Variants in DAB1 observed in about 807,000 individuals in gnomAD.
DAB1 encodes DAB adaptor protein 1.
A neutral mutation model predicts 64.6 loss-of-function variants in DAB1; 15 were observed. The ratio of observed to expected loss-of-function variants is 0.23; its 90% CI spans 0.16 to 0.36. The LOEUF (loss-of-function observed/expected upper bound fraction) is 0.36. Ranked by LOEUF, DAB1 falls within the 10% of genes least tolerant of loss-of-function variation. The pLI, the probability that DAB1 is intolerant of heterozygous loss-of-function variation, is 1.00. For missense variants in DAB1, 596 were observed against 706.7 expected, an observed-to-expected ratio of 0.84 and a Z score of 1.78; for synonymous variants, 235 against 251.9, an observed-to-expected ratio of 0.93 and a Z score of 0.64.
intron 1 of DAB1, among the ~76,000 whole-genome samples, chr1:57,413,977 T>C (rs1352475564): frequency 1.3e-5 from 2 of 152,132 alleles, no homozygotes; most frequent in Non-Finnish European, 2.9e-5. Flanking sequence ...ATTGCTGTAG[T>C]CTCATGCTAC....
chr1:57,031,797 T>G (rs1466790022), intron 9 of DAB1, among the ~76,000 whole-genome samples: 4 of 152,230 alleles, frequency 2.6e-5, no homozygotes, highest in African/African-American at 7.2e-5. Flanking sequence ...GCTTGAGATG[T>G]CTATTTGCCA....
At chr1:58,137,915 C>T (rs539652) in intron 5 of DAB1, among the ~76,000 whole-genome samples, 1,902 of 152,124 alleles carry the variant, frequency 0.013, 45 homozygotes, top group African/African-American at 0.043. Context: ...GCTGAGTTTA[C>T]GGCACATGCA....
chr1:57,053,230 C>T (rs972320058), intron 9 of DAB1, among the ~76,000 whole-genome samples: 1 of 152,104 alleles, frequency 6.6e-6, no homozygotes, highest in Non-Finnish European at 1.5e-5. Context: ...ATTTCGGAAT[C>T]CATGTTTCAT....
chr1:57,787,506 AAATT>A (rs1188141320), intron 6 of DAB1, among the ~76,000 whole-genome samples: 5 of 152,128 alleles, frequency 3.3e-5, no homozygotes, highest in Non-Finnish European at 5.9e-5. Flanking sequence ...CAATATACAA[AAATT>A]AATTAAAAGA....
chr1:57,934,041 G>A (rs1045857114), intron 5 of DAB1, among the ~76,000 whole-genome samples: 3 of 149,032 alleles, frequency 2.0e-5, no homozygotes, highest in African/African-American at 5.0e-5. Context: ...GATTATAGGC[G>A]TCCGCCACCA....
At chr1:57,424,109 C>G (rs1212435820), upstream of DAB1, 1 of 150,860 alleles carries the variant, frequency 6.6e-6, no homozygotes, top group Admixed American at 6.6e-5. Flanking sequence ...GGGAGGAGAC[C>G]GCCACCCGCG....
At chr1:58,119,797 T>C (rs1172398933) in intron 5 of DAB1, among the ~76,000 whole-genome samples, 1 of 152,200 alleles carries the variant, frequency 6.6e-6, no homozygotes, top group Non-Finnish European at 1.5e-5. Context: ...TATGAATCTA[T>C]TCAATAAGTT....
intron 5 of DAB1, among the ~76,000 whole-genome samples, chr1:57,912,530 C>A (rs1022776959): frequency 6.6e-5 from 10 of 152,116 alleles, no homozygotes; most frequent in Admixed American, 6.5e-4. Context: ...TGAAAACTGG[C>A]ACAAGACAGG....
chr1:58,129,735 C>A (rs2100691844), intron 5 of DAB1, among the ~76,000 whole-genome samples: 1 of 151,026 alleles, frequency 6.6e-6, no homozygotes, highest in Admixed American at 6.6e-5. Flanking sequence ...CATTCAGGAG[C>A]AGGTTGTTCA....
At chr1:58,025,675 A>ATATC (rs1195232918) in intron 5 of DAB1, among the ~76,000 whole-genome samples, 1 of 143,606 alleles carries the variant, frequency 7.0e-6, no homozygotes, top group Non-Finnish European at 1.5e-5. Flanking sequence ...ATATATATAT[A>ATATC]TATATATATA....
chr1:58,484,974 G>A (rs1645549309), intron 3 of DAB1, among the ~76,000 whole-genome samples: 1 of 151,966 alleles, frequency 6.6e-6, no homozygotes, highest in South Asian at 2.1e-4. Context: ...CTATAATGGT[G>A]GATACATGTC....
chr1:57,808,585 A>G (rs1263009180), intron 6 of DAB1, among the ~76,000 whole-genome samples: 2 of 152,222 alleles, frequency 1.3e-5, no homozygotes, highest in East Asian at 3.8e-4. Flanking sequence ...TGTATGAAAC[A>G]ATTACAGAAC....
At chr1:58,208,149 C>T (rs1282069758) in intron 4 of DAB1, among the ~76,000 whole-genome samples, 1 of 152,122 alleles carries the variant, frequency 6.6e-6, no homozygotes, top group East Asian at 1.9e-4. Context: ...CACTGGGTCC[C>T]TCTCATGACA....
At chr1:57,771,363 T>C (rs1349106751) in intron 6 of DAB1, among the ~76,000 whole-genome samples, 1 of 152,112 alleles carries the variant, frequency 6.6e-6, no homozygotes, top group African/African-American at 2.4e-5. Flanking sequence ...GAAATAAATA[T>C]AAATATAAAT....
chr1:57,714,691 G>C (rs1647065147), intron 6 of DAB1, among the ~76,000 whole-genome samples: 1 of 152,150 alleles, frequency 6.6e-6, no homozygotes, highest in Non-Finnish European at 1.5e-5. Context: ...TGAATTAGGG[G>C]CAAAGGGGAC....
intron 3 of DAB1, among the ~76,000 whole-genome samples, chr1:58,476,271 C>T (rs1037691607): frequency 5.9e-5 from 9 of 151,912 alleles, no homozygotes; most frequent in African/African-American, 2.2e-4. Flanking sequence ...CCAGAGATCA[C>T]GTGATGATCA....
intron 3 of DAB1, among the ~76,000 whole-genome samples, chr1:58,410,094 C>G (rs1644652215): frequency 6.6e-6 from 1 of 152,196 alleles, no homozygotes; most frequent in Non-Finnish European, 1.5e-5. Context: ...ATTCCTTTAT[C>G]CCAGAGCAAG....
chr1:57,654,004 T>G (rs1646286878), intron 6 of DAB1, among the ~76,000 whole-genome samples: 1 of 152,226 alleles, frequency 6.6e-6, no homozygotes, highest in Non-Finnish European at 1.5e-5. Context: ...CAGATCAGAT[T>G]TAAACATTTT....
At chr1:58,035,509 C>T (rs1471368432) in intron 5 of DAB1, among the ~76,000 whole-genome samples, 4 of 152,208 alleles carry the variant, frequency 2.6e-5, no homozygotes, top group Admixed American at 2.6e-4. Context: ...TATTACCACC[C>T]CATTGCAGAT....
Sources: allele counts gnomAD v4.1 joint callset (sites outside exome capture counted in the v4.1 genomes callset), GRCh38; gene constraint gnomAD v4.1.1; transcripts MANE v1.5; gene names NCBI Gene and HGNC (gene_info 2026-07-23, HGNC 2026-07-21).